The following KLHL30 variants were observed in gnomAD, a reference collection of about 807,000 sequenced individuals.
KLHL30 encodes kelch-like protein 30.
KLHL30 carries 55 observed loss-of-function variants against 55.0 expected under a neutral mutation model. That is an observed-to-expected ratio of 1.00 (90% CI 0.80 to 1.25). The LOEUF (loss-of-function observed/expected upper bound fraction) is 1.25, where lower values mean the gene tolerates loss of function less well. Ranked by LOEUF, KLHL30 falls within the 50% of genes most tolerant of loss-of-function variation. KLHL30 has a pLI of 0.00. For missense variants in KLHL30, 786 were observed against 811.6 expected, an observed-to-expected ratio of 0.97 and a Z score of 0.38; for synonymous variants, 356 against 372.6, an observed-to-expected ratio of 0.96 and a Z score of 0.51.
Position 238,138,753 on chromosome 2 carries a change from T to C in KLHL30, c.-76T>C. ...TCTCAGCTTCGAGGTCCAGGCTGAG[T>C]GAGAGGTAGGATCCAGGGGGCTCTG... On this transcript the variant is annotated 5_prime_UTR_variant, in exon 1 of 8. Coordinates refer to ENST00000409223, the MANE Select transcript of KLHL30 (RefSeq NM_198582.4). 6.6e-6 allele frequency: 1 copy of C among 152,144 alleles called. No homozygotes were observed. 9.4% of individuals were successfully genotyped at this position (152,144 alleles called of 1,614,324 possible). A position where few individuals can be genotyped will look rare whatever the true frequency, so the allele number is the denominator to read the frequency against.
chr2:238,145,521 C>A, intron 4 of KLHL30, 156 bp from the exon 5 acceptor site: 1 of 302,640 alleles, frequency 3.3e-6, no homozygotes, highest in Non-Finnish European at 4.9e-6. Flanking sequence ...TGGGCAGTCA[C>A]ACAGCTCGGC....
chr2:238,149,211 G>T, intron 7 of KLHL30, 59 bp downstream of exon 7: 1 of 1,596,996 alleles, frequency 6.3e-7, no homozygotes, highest in South Asian at 1.1e-5. Context: ...TGACATCAGA[G>T]AGCCAGCCTG....
At chr2:238,144,818 G>A in intron 3 of KLHL30, 84 bp from the exon 4 acceptor site, 1 of 1,014,372 alleles carries the variant, frequency 9.9e-7, no homozygotes, top group Non-Finnish European at 1.5e-6. Flanking sequence ...CCGGTGCATG[G>A]AAAGGCACCT....
chr2:238,146,362 G>A (rs1425599947), intron 5 of KLHL30, among the ~76,000 whole-genome samples: 6 of 150,616 alleles, frequency 4.0e-5, no homozygotes, highest in Non-Finnish European at 5.9e-5. Context: ...AACATAGAGA[G>A]ACCCTGTCTC....
chr2:238,144,410 G>T lies in KLHL30; in HGVS notation c.908-492G>T, dbSNP rs564453893. Among the ~76,000 whole-genome samples, 926 of 127,340 alleles carry T rather than the reference G, an allele frequency of 7.3e-3. 9 individuals carry two copies. Among genetic ancestry groups the T allele is most frequent in the Non-Finnish European group, 9.9e-3 (593 of 59,950 alleles). The allele number at this position is 127,340 out of a possible 152,430, so 83.5% of individuals were successfully genotyped here. A position where few individuals can be genotyped will look rare whatever the true frequency, so the allele number is the denominator to read the frequency against. On this transcript the variant is annotated intron_variant, in intron 3 of 7. Transcript: ENST00000409223. ...AGGAAGGAAGGAAGGAAGGAAGGAA[G>T]GAAGGAAGGAAGGAAGGAAGGAAGG...
intron 2 of KLHL30, among the ~76,000 whole-genome samples, chr2:238,141,788 AG>A (rs1485885954): frequency 6.6e-6 from 1 of 152,184 alleles, no homozygotes; most frequent in Non-Finnish European, 1.5e-5. Context: ...GTCCTGAAGG[AG>A]CCTGCAGCTC....
At chr2:238,143,354 G>A (rs1481338308) in intron 3 of KLHL30, among the ~76,000 whole-genome samples, 1 of 152,230 alleles carries the variant, frequency 6.6e-6, no homozygotes, top group African/African-American at 2.4e-5. Flanking sequence ...GCAGCTGGAG[G>A]AGCGAGAACT....
intron 7 of KLHL30, 45 bp downstream of exon 7, chr2:238,149,197 C>T: frequency 1.9e-6 from 3 of 1,605,094 alleles, no homozygotes; most frequent in Non-Finnish European, 2.6e-6. Context: ...CTGCCCAGGA[C>T]TCCTGACATC....
intron 1 of KLHL30, among the ~76,000 whole-genome samples, chr2:238,139,627 G>C (rs900121623): frequency 3.3e-5 from 5 of 152,206 alleles, no homozygotes; most frequent in African/African-American, 1.2e-4. Context: ...GTGGCTGCCC[G>C]GGCCAGATTC....
rs1049289919 is a variant in KLHL30 at position 238,147,643 on chromosome 2, C to T, written c.1151-191C>T. 6.6e-6 allele frequency among the ~76,000 whole-genome samples: 1 copy of T among 152,162 alleles called. No individual in the cohort carries two copies. The highest frequency in any genetic ancestry group is 1.5e-5 in the Non-Finnish European group (1 of 68,008). ...TTCTAGGCCCGAGTGTCCACCCCCA[C>T]CCCCACCACTTCCTGGCGGGGCGGC... is the stretch of plus-strand genomic sequence containing the variant. On this transcript the variant is annotated intron_variant, in intron 5 of 7. Transcript: ENST00000409223. The surrounding 1 kb of genome is among the most constrained non-coding windows in gnomAD (Gnocchi z 5.8).
Position 238,144,812 on chromosome 2 carries a change from T to C in KLHL30, c.908-90T>C. 6.4e-6 allele frequency: 6 copies of C among 934,794 alleles called. No homozygotes were observed. The South Asian group carries it at 7.0e-5, about 11-fold the overall frequency. 57.9% of individuals were successfully genotyped at this position (934,794 alleles called of 1,614,324 possible). A position where few individuals can be genotyped will look rare whatever the true frequency, so the allele number is the denominator to read the frequency against. On this transcript the variant is annotated intron_variant, in intron 3 of 7. Transcript: ENST00000409223. ...GTGAGGGGGGCATTTCTGCACCCGG[T>C]GCATGGAAAGGCACCTGGGAAGGGG...
intron 6 of KLHL30, 139 bp downstream of exon 6, chr2:238,148,161 T>G (rs1692682871): frequency 2.5e-6 from 2 of 805,554 alleles, no homozygotes; most frequent in Non-Finnish European, 3.6e-6. Context: ...GCCGCAGGCC[T>G]CTCACAAAGA....
At chr2:238,144,437 A>AGGAAGGAAGGAG in intron 3 of KLHL30, among the ~76,000 whole-genome samples, 1 of 92,188 alleles carries the variant, frequency 1.1e-5, no homozygotes, top group South Asian at 2.9e-4. Context: ...GAAGGAAGGC[A>AGGAAGGAAGGAG]GGCAGGCAGG....
intron 3 of KLHL30, among the ~76,000 whole-genome samples, chr2:238,143,386 C>T (rs553808162): frequency 5.9e-5 from 9 of 152,340 alleles, no homozygotes; most frequent in South Asian, 2.1e-4. Context: ...TCAGCCCAAA[C>T]GGGGTTGTAA....
At chr2:238,141,633 C>T in intron 2 of KLHL30, 105 bp downstream of exon 2, 1 of 1,255,476 alleles carries the variant, frequency 8.0e-7, no homozygotes, top group South Asian at 1.7e-5. Flanking sequence ...CCAAGGTGCA[C>T]TCTGACCTTG....
chr2:238,144,879 T>G (rs1247536697), intron 3 of KLHL30, 23 bp from the exon 4 acceptor site: 2 of 1,579,190 alleles, frequency 1.3e-6, no homozygotes, highest in Admixed American at 1.7e-5. Flanking sequence ...AGCCTGACCC[T>G]TCTGCCTCTC....
intron 7 of KLHL30, among the ~76,000 whole-genome samples, chr2:238,150,417 A>T (rs1692732391): frequency 6.6e-6 from 1 of 152,166 alleles, no homozygotes; most frequent in Middle Eastern, 3.4e-3. Context: ...GGGTGAGGCA[A>T]GGGAACCCAC....
At chr2:238,142,169 G>A (rs1054546691) in intron 2 of KLHL30, among the ~76,000 whole-genome samples, 2 of 152,182 alleles carry the variant, frequency 1.3e-5, no homozygotes, top group East Asian at 3.9e-4. Flanking sequence ...GCCTTGCTTC[G>A]GGGCACTCCT....
intron 4 of KLHL30, 66 bp from the exon 5 acceptor site, chr2:238,145,611 A>T (rs1692632516): frequency 6.5e-7 from 1 of 1,527,464 alleles, no homozygotes; most frequent in Non-Finnish European, 8.9e-7. Context: ...GGACATTGGT[A>T]TCCACACCCC....
Sources: allele counts gnomAD v4.1 joint callset (sites outside exome capture counted in the v4.1 genomes callset), GRCh38; gene constraint gnomAD v4.1.1; non-coding constraint Gnocchi (gnomAD v3.1); transcripts MANE v1.5; gene names NCBI Gene and HGNC (gene_info 2026-07-23, HGNC 2026-07-21).